ZIM2: variants seen among roughly 807,000 people sequenced by gnomAD.
ZIM2 encodes zinc finger imprinted 2.
Under a neutral mutation model 38.6 loss-of-function variants are expected in ZIM2, and 14 were observed. That is an observed-to-expected ratio of 0.36 (90% CI 0.24 to 0.57). ZIM2 has a LOEUF of 0.57. Among genes scored for constraint, ZIM2 ranks in the 20% least tolerant of loss-of-function variants. ZIM2 has a pLI of 0.81. For synonymous variants in ZIM2, 247 were observed against 245.8 expected, an observed-to-expected ratio of 1.00 and a Z score of -0.04; for missense variants, 680 against 695.1, an observed-to-expected ratio of 0.98 and a Z score of 0.24.
intron 7 of ZIM2, among the ~76,000 whole-genome samples, chr19:56,819,493 CA>C (rs1324060436): frequency 2.0e-5 from 3 of 152,182 alleles, no homozygotes; most frequent in Non-Finnish European, 4.4e-5. Context: ...TTCAGGGAGT[CA>C]TGGTCCCAGG....
intron 9 of ZIM2, chr19:56,813,895 G>C: frequency 6.2e-7 from 1 of 1,614,152 alleles, no homozygotes; most frequent in South Asian, 1.1e-5. Flanking sequence ...TGCTGTGCTG[G>C]AAGTGAAGGT....
At chr19:56,833,240 T>A in intron 2 of ZIM2, 1 of 491,388 alleles carries the variant, frequency 2.0e-6, no homozygotes, top group South Asian at 1.5e-5. Flanking sequence ...CTTACTTTGG[T>A]CCCTCACCAT....
chr19:56,791,298 C>T (rs1471794858), intron 9 of ZIM2: 2 of 152,046 alleles, frequency 1.3e-5, no homozygotes, highest in South Asian at 2.1e-4. Flanking sequence ...TCCTGGTCTA[C>T]GAAATGAAGG....
chr19:56,821,657 T>G lies in ZIM2; in HGVS notation c.288A>C (p.Arg96=). The stretch of plus-strand genomic sequence containing the variant: ...AGAGGAAACCTGAGCATACCTGAGA[T>G]CGGGACTCATAAGCCCTGGAGTCCC... ...DDRDSRAYES[R]SQDAESYQNV... is the part of the protein sequence containing the mutation. The change falls in exon 7 of 13, where the codon CGA becomes CGC. Residue 96 remains arginine (R), a synonymous_variant. Transcript: ENST00000629319. 1 of 1,613,944 alleles carries G rather than the reference T, an allele frequency of 6.2e-7. No individual in the cohort carries two copies. The highest frequency in any genetic ancestry group is 8.5e-7 in the Non-Finnish European group (1 of 1,180,020).
chr19:56,815,098 C>T (rs747227458), intron 9 of ZIM2: 2 of 1,613,734 alleles, frequency 1.2e-6, no homozygotes, highest in Non-Finnish European at 1.7e-6. Flanking sequence ...ATCCACAAAG[C>T]CCAGGCCACA....
intron 4 of ZIM2, 91 bp from the exon 5 acceptor site, chr19:56,823,770 G>A: frequency 7.0e-7 from 1 of 1,426,730 alleles, no homozygotes; most frequent in Non-Finnish European, 9.9e-7. Flanking sequence ...CCCTGTCACA[G>A]ACACACATGG....
At chr19:56,810,316 G>A in intron 9 of ZIM2, 1 of 983,514 alleles carries the variant, frequency 1.0e-6, no homozygotes, top group Non-Finnish European at 1.2e-6. Flanking sequence ...AGTAAAGGTG[G>A]ACTACCAAAA....
At chr19:56,809,509 T>A (rs1269035666) in intron 9 of ZIM2, among the ~76,000 whole-genome samples, 1 of 152,210 alleles carries the variant, frequency 6.6e-6, no homozygotes, top group Admixed American at 6.5e-5. Context: ...AAAGCTCTGA[T>A]CATTATGGAA....
chr19:56,788,870 C>T (rs186488089), intron 10 of ZIM2, among the ~76,000 whole-genome samples: 4 of 151,900 alleles, frequency 2.6e-5, no homozygotes, highest in Admixed American at 1.3e-4. Flanking sequence ...TCTCTCTAAT[C>T]TTGTTTTCAT....
chr19:56,826,308 A>C (rs2061027051), intron 3 of ZIM2, 80 bp downstream of exon 3: 1 of 152,208 alleles, frequency 6.6e-6, no homozygotes, highest in Non-Finnish European at 1.5e-5. Context: ...TGGCAGACAG[A>C]CTCAGGAGAA....
intron 9 of ZIM2, chr19:56,811,063 A>C: frequency 1.0e-6 from 1 of 977,108 alleles, no homozygotes; most frequent in Non-Finnish European, 1.2e-6. Context: ...GAACAAGATA[A>C]GAGGAGAGTA....
intron 9 of ZIM2, among the ~76,000 whole-genome samples, chr19:56,804,579 A>C (rs1600808906): frequency 6.6e-6 from 1 of 152,282 alleles, no homozygotes; most frequent in East Asian, 1.9e-4. Context: ...TAACCCTCAC[A>C]AGGTAGCCTC....
chr19:56,778,591 G>A (rs780903212), intron 12 of ZIM2, among the ~76,000 whole-genome samples: 4 of 152,168 alleles, frequency 2.6e-5, no homozygotes, highest in Non-Finnish European at 4.4e-5. Flanking sequence ...AATGCATCTA[G>A]GATTTATTGT....
intron 9 of ZIM2, chr19:56,798,238 T>A (rs1027416388): frequency 6.6e-6 from 1 of 152,224 alleles, no homozygotes; most frequent in Admixed American, 6.5e-5. Context: ...TGGAAATAAT[T>A]TGGATCCAGC....
intron 3 of ZIM2, 178 bp from the exon 4 acceptor site, chr19:56,824,605 G>A: frequency 6.2e-7 from 1 of 1,610,270 alleles, no homozygotes; most frequent in Non-Finnish European, 8.5e-7. Context: ...ACAGATTTGG[G>A]GCCCAGGACT....
Position 56,818,521 on chromosome 19 carries a change from C to T in ZIM2, c.397+79G>A, listed in dbSNP as rs1205067552. The T allele has an allele frequency of 3.4e-6, 5 of 1,481,594 alleles. No individual in the cohort carries two copies. The African/African-American group carries it at 5.6e-5, about 16-fold the overall frequency. 91.8% of individuals were successfully genotyped at this position (1,481,594 alleles called of 1,614,324 possible). A position where few individuals can be genotyped will look rare whatever the true frequency, so the allele number is the denominator to read the frequency against. On this transcript the variant is annotated intron_variant, in intron 8 of 12. Coordinates refer to ENST00000629319, the MANE Select transcript of ZIM2 (RefSeq NM_001387356.1). ...CCAAATATATTAATGTGGACTCTAA[C>T]ATCCAGCTTAAAAAGGAGCAAGATG...
intron 9 of ZIM2, chr19:56,810,690 T>C (rs964169942): frequency 2.0e-6 from 2 of 980,242 alleles, no homozygotes; most frequent in South Asian, 9.4e-5. Flanking sequence ...ATTTTAGTTA[T>C]TTTCCACATC....
chr19:56,778,641 G>A (rs1318448407), intron 12 of ZIM2, among the ~76,000 whole-genome samples: 3 of 152,182 alleles, frequency 2.0e-5, no homozygotes, highest in Admixed American at 2.0e-4. Flanking sequence ...ATGAAACTAG[G>A]TCTTCGATGA....
intron 1 of ZIM2, among the ~76,000 whole-genome samples, chr19:56,840,050 GGGCACGCCGGCGCCGCGAGGCCGAT>G (rs1185365363): frequency 6.6e-6 from 1 of 152,222 alleles, no homozygotes; most frequent in Non-Finnish European, 1.5e-5. Flanking sequence ...GAGGGTAGCC[GGGCACGCCGGCGCCGCGAGGCCGAT>G]GGCACCCCGC....
Sources: allele counts gnomAD v4.1 joint callset (sites outside exome capture counted in the v4.1 genomes callset), GRCh38; gene constraint gnomAD v4.1.1; transcripts MANE v1.5; gene names NCBI Gene and HGNC (gene_info 2026-07-23, HGNC 2026-07-21).